CALHM3: variants seen among roughly 807,000 people sequenced by gnomAD.
The protein encoded by CALHM3 is calcium homeostasis modulator 3, also known as calcium homeostasis modulator protein 3.
Under a neutral mutation model 13.6 loss-of-function variants are expected in CALHM3, and 9 were observed. The observed-to-expected ratio is 0.66, with a 90% CI of 0.40 to 1.15. The LOEUF (loss-of-function observed/expected upper bound fraction) is 1.15, where lower values mean the gene tolerates loss of function less well. Ranked by LOEUF, CALHM3 falls within the 50% of genes most tolerant of loss-of-function variation. The probability of loss-of-function intolerance (pLI) is 0.01; values close to 1 mark genes in which losing one functional copy is unlikely to be tolerated. For synonymous variants in CALHM3, 231 were observed against 213.2 expected, an observed-to-expected ratio of 1.08 and a Z score of -0.73; for missense variants, 497 against 463.4, an observed-to-expected ratio of 1.07 and a Z score of -0.67.
In CALHM3 at chr10:103,478,781, G is replaced by C. The variant is rs1340025062; in HGVS notation, c.252C>G (p.Pro84=). 1.3e-6 allele frequency: 2 copies of C among 1,547,006 alleles called. No individual in the cohort carries two copies. The highest frequency in any genetic ancestry group is 1.7e-6 in the Non-Finnish European group (2 of 1,144,434). ...SVVMVEEWRR[P]AGHRRKDPGI... ...CTGGGTCCTTCCTCCGGTGCCCTGC[G>C]GGCCGGCGCCACTCCTCGACCATCA... Residue 84 remains proline (P), a synonymous_variant, in exon 1 of 3, where the codon CCC becomes CCG. Transcript: ENST00000369783.
At chr10:103,474,465 A>ATT (rs752014615) in intron 2 of CALHM3, among the ~76,000 whole-genome samples, 2 of 150,364 alleles carry the variant, frequency 1.3e-5, no homozygotes, top group East Asian at 2.0e-4. Flanking sequence ...TTATTTATTT[A>ATT]TATTTTTTGA....
Position 103,473,625 on chromosome 10 carries a change from G to T in CALHM3, c.623C>A (p.Thr208Lys). The T allele has an allele frequency of 2.6e-6, 4 of 1,551,298 alleles. No individual in the cohort carries two copies. Among genetic ancestry groups the T allele is most frequent in the Non-Finnish European group, 1.7e-6 (2 of 1,147,018 alleles). ...ARCLRPCFDQ[T>K]VFLQRRYWSN... ...CCAGTATCTGCGCTGCAGGAAGACT[G>T]TCTGGTCGAAGCAGGGCCTCAGGCA... is the stretch of plus-strand genomic sequence containing the variant. Residue 208 changes from threonine to lysine, a missense_variant, in exon 3 of 3, where the codon ACA becomes AAA. Physicochemically the swap from Thr to Lys is moderately conservative, Grantham distance 78 (BLOSUM62 -1). Transcript: ENST00000369783.
In CALHM3 at chr10:103,479,072, C is replaced by T. The variant is rs1312203542; in HGVS notation, c.-40G>A. On this transcript the variant is annotated 5_prime_UTR_variant, in exon 1 of 3. Transcript: ENST00000369783. ...TGGGTGGGCGGCCGTCGGTTCGGCT[C>T]AGTGAGGCTCTGGCCACCTTCCTGG... 1 of 1,515,464 alleles carries T rather than the reference C, an allele frequency of 6.6e-7. No homozygotes were observed. The highest frequency in any genetic ancestry group is 8.9e-7 in the Non-Finnish European group (1 of 1,127,884). The allele number at this position is 1,515,464 out of a possible 1,614,324, so 93.9% of individuals were successfully genotyped here.
chr10:103,474,153 G>C (rs11191700), intron 2 of CALHM3, among the ~76,000 whole-genome samples: 1 of 152,008 alleles, frequency 6.6e-6, no homozygotes, highest in Admixed American at 6.6e-5. Context: ...TCAGTCATCC[G>C]TCCTGCCAAC....
chr10:103,477,206 C>T (rs113627876), intron 1 of CALHM3, among the ~76,000 whole-genome samples: 1,895 of 152,310 alleles, frequency 0.012, 27 homozygotes, highest in Non-Finnish European at 0.019. Context: ...ACCCACAAGG[C>T]ATCCCAGGAG....
chr10:103,474,102 AT>A (rs2033361618), intron 2 of CALHM3, among the ~76,000 whole-genome samples: 6 of 152,082 alleles, frequency 3.9e-5, no homozygotes, highest in Admixed American at 3.3e-4. Context: ...CTCCTTTTAC[AT>A]TTCCCATCCA....
intron 2 of CALHM3, among the ~76,000 whole-genome samples, chr10:103,474,944 C>T (rs1468223985): frequency 6.6e-6 from 1 of 152,196 alleles, no homozygotes; most frequent in Non-Finnish European, 1.5e-5. Flanking sequence ...TGACTGGGTA[C>T]TTGTCATAGA....
chr10:103,473,225 G>A lies in CALHM3; in HGVS notation c.1023C>T (p.His341=), dbSNP rs1377072222. The A allele has an allele frequency of 2.1e-6, 3 of 1,424,606 alleles. No homozygotes were observed. Among genetic ancestry groups the A allele is most frequent in the Non-Finnish European group, 9.2e-7 (1 of 1,086,364 alleles). 88.2% of individuals were successfully genotyped at this position (1,424,606 alleles called of 1,614,324 possible). The part of the protein sequence containing the change: ...TLALGTRLSQ[H]TDV ...CCTGGCCAGGACCCTACACGTCGGT[G>A]TGTTGTGACAGCCTCGTGCCCAGTG... Residue 341 remains histidine, a synonymous_variant, in exon 3 of 3, where the codon CAC becomes CAT. Transcript: ENST00000369783.
chr10:103,478,983 G>T lies in CALHM3; in HGVS notation c.50C>A (p.Ser17Ter), dbSNP rs533409656. 3 of 1,551,644 alleles carry T rather than the reference G, an allele frequency of 1.9e-6. No individual in the cohort carries two copies. Among genetic ancestry groups the T allele is most frequent in the Non-Finnish European group, 2.6e-6 (3 of 1,146,984 alleles). The stretch of plus-strand genomic sequence containing the variant: ...CAGCAGGCAGATGCCATTCATCACC[G>T]ACTCCGAGCTTGACTGGAAGTGCTG... Reference protein sequence around the residue: ...LFQHFQSSSESVMNGICLLLA... With the variant: ...LFQHFQSSSE Residue 17 changes from serine (S) to a stop codon, truncating the protein, a stop_gained, in exon 1 of 3, where the codon TCG becomes TAG. Coordinates refer to ENST00000369783, the MANE Select transcript of CALHM3 (RefSeq NM_001129742.2). LOFTEE classifies it high-confidence loss of function.
rs1054966176 is a variant in CALHM3, at chr10:103,473,094, G to A, written c.*119C>T. ...GGCAGAGATTGGGCTACTTTAAAAA[G>A]GAGGCTAACAAGACTTAGGGTGCCT... On this transcript the variant is annotated 3_prime_UTR_variant, in exon 3 of 3. Coordinates refer to ENST00000369783, the MANE Select transcript of CALHM3 (RefSeq NM_001129742.2). 1 of 1,098,498 alleles carries A rather than the reference G, an allele frequency of 9.1e-7. No individual in the cohort carries two copies. Among genetic ancestry groups the A allele is most frequent in the East Asian group, 3.2e-5 (1 of 31,268 alleles). The allele number at this position is 1,098,498 out of a possible 1,614,324, so 68.0% of individuals were successfully genotyped here.
chr10:103,472,941 T>A lies in CALHM3; in HGVS notation c.*272A>T, dbSNP rs933666909. 1 of 369,828 alleles carries A rather than the reference T, an allele frequency of 2.7e-6. No individual in the cohort carries two copies. The highest frequency in any genetic ancestry group is 4.8e-6 in the Non-Finnish European group (1 of 209,534). The allele number at this position is 369,828 out of a possible 1,614,324, so 22.9% of individuals were successfully genotyped here. ...AAAAGCACATCAGCCTCCAGGAGCTTGTTTAAAATGCAGAATCTCAGACTC... is the reference window on the plus strand; with the variant it reads ...AAAAGCACATCAGCCTCCAGGAGCTAGTTTAAAATGCAGAATCTCAGACTC... On this transcript the variant is annotated 3_prime_UTR_variant, in exon 3 of 3. Coordinates refer to ENST00000369783, the MANE Select transcript of CALHM3 (RefSeq NM_001129742.2).
rs1298171640 is a variant in CALHM3 at position 103,479,089 on chromosome 10, C to A, written c.-57G>T. On this transcript the variant is annotated 5_prime_UTR_variant, in exon 1 of 3. Transcript: ENST00000369783. ...GTTCGGCTCAGTGAGGCTCTGGCCA[C>A]CTTCCTGGTGTCTGCTGTGCTGGGG... 39 of 1,496,024 alleles carry A rather than the reference C, an allele frequency of 2.6e-5. No individual in the cohort carries two copies. The South Asian group carries it at 5.0e-4, about 19-fold the overall frequency. 92.7% of individuals were successfully genotyped at this position (1,496,024 alleles called of 1,614,324 possible). A position where few individuals can be genotyped will look rare whatever the true frequency, so the allele number is the denominator to read the frequency against.
In CALHM3 at chr10:103,472,915, C is replaced by G. The variant is rs780792671; in HGVS notation, c.*298G>C. ...GCTACTCAAAGTTTGGTTCACTGACCAAAAGCACATCAGCCTCCAGGAGCT... is the reference window on the plus strand; with the variant it reads ...GCTACTCAAAGTTTGGTTCACTGACGAAAAGCACATCAGCCTCCAGGAGCT... On this transcript the variant is annotated 3_prime_UTR_variant, in exon 3 of 3. Coordinates refer to ENST00000369783, the MANE Select transcript of CALHM3 (RefSeq NM_001129742.2). 3.0e-6 allele frequency: 1 copy of G among 338,148 alleles called. No homozygotes were observed. The highest frequency in any genetic ancestry group is 5.3e-6 in the Non-Finnish European group (1 of 188,406). The allele number at this position is 338,148 out of a possible 1,614,324, so 20.9% of individuals were successfully genotyped here.
chr10:103,475,025 CACA>C (rs2033373536), intron 2 of CALHM3, among the ~76,000 whole-genome samples: 1 of 152,182 alleles, frequency 6.6e-6, no homozygotes, highest in South Asian at 2.1e-4. Flanking sequence ...GACAGTGACA[CACA>C]ATATGAACAG....
At position 103,472,869 on chromosome 10, in the gene CALHM3, G is replaced by T; in HGVS notation, c.*344C>A. On this transcript the variant is annotated 3_prime_UTR_variant, in exon 3 of 3. Transcript: ENST00000369783. ...TTGACATCTAGAACCCAGAACCCAT[G>T]GCAGATTTACTTAGATTCTTGCTAC... is the stretch of plus-strand genomic sequence containing the variant. 3.8e-6 allele frequency: 1 copy of T among 263,162 alleles called. No individual in the cohort carries two copies. Among genetic ancestry groups the T allele is most frequent in the Non-Finnish European group, 7.1e-6 (1 of 140,946 alleles). 16.3% of individuals were successfully genotyped at this position (263,162 alleles called of 1,614,324 possible).
chr10:103,473,377 C>G lies in CALHM3; in HGVS notation c.871G>C (p.Ala291Pro). 1 of 1,496,242 alleles carries G rather than the reference C, an allele frequency of 6.7e-7. No homozygotes were observed. Among genetic ancestry groups the G allele is most frequent in the East Asian group, 2.5e-5 (1 of 40,100 alleles). 92.7% of individuals were successfully genotyped at this position (1,496,242 alleles called of 1,614,324 possible). A position where few individuals can be genotyped will look rare whatever the true frequency, so the allele number is the denominator to read the frequency against. Residue 291 changes from alanine to proline, a missense_variant, in exon 3 of 3, where the codon GCA (alanine) becomes CCA (proline). By Grantham distance (27) the Ala-to-Pro change is conservative (BLOSUM62 -1). Transcript: ENST00000369783. Reference sequence around the variant, plus strand: ...TCCACCTGCTCCCGGCTGGAGATTGCGCGCAGGTGGGCCTTCCCACTTCCA... The same window carrying G: ...TCCACCTGCTCCCGGCTGGAGATTGGGCGCAGGTGGGCCTTCCCACTTCCA... ...DSGSGKAHLR[A>P]ISSREQVDRL...
Position 103,473,703 on chromosome 10 carries a change from G to T in CALHM3, c.545C>A (p.Ala182Asp). Reference protein sequence around the residue: ...VSRYLRCLSQAIGWSVTLLLI... With the variant: ...VSRYLRCLSQDIGWSVTLLLI... ...CAGCAGGGTGACGCTCCAGCCGATG[G>T]CCTGCAAAGTAAGGAGGCCCGAGGT... Residue 182 changes from alanine to aspartate, a missense_variant and splice_region_variant, in exon 3 of 3, where the codon GCC (alanine) becomes GAC (aspartate). Physicochemically the swap from Ala to Asp is moderately radical, Grantham distance 126 (BLOSUM62 -2). Coordinates refer to ENST00000369783, the MANE Select transcript of CALHM3 (RefSeq NM_001129742.2). The T allele has an allele frequency of 1.3e-6, 2 of 1,544,856 alleles. No individual in the cohort carries two copies. Among genetic ancestry groups the T allele is most frequent in the Non-Finnish European group, 1.7e-6 (2 of 1,144,488 alleles).
chr10:103,478,498 C>T (rs182396628), intron 1 of CALHM3, among the ~76,000 whole-genome samples: 2 of 152,158 alleles, frequency 1.3e-5, no homozygotes, highest in South Asian at 2.1e-4. Context: ...GCACTGGCCA[C>T]GGAAAGGTGA....
Position 103,473,694 on chromosome 10 carries a change from C to T in CALHM3, c.554G>A (p.Trp185Ter), listed in dbSNP as rs773962160. 1 of 1,546,704 alleles carries T rather than the reference C, an allele frequency of 6.5e-7. No individual in the cohort carries two copies. The highest frequency in any genetic ancestry group is 1.4e-5 in the African/African-American group (1 of 73,006). ...YLRCLSQAIG[W>*]SVTLLLIIAA... ...GATGATCAGCAGCAGGGTGACGCTC[C>T]AGCCGATGGCCTGCAAAGTAAGGAG... Residue 185 changes from tryptophan to a stop codon, truncating the protein, a stop_gained, in exon 3 of 3, where the codon TGG (tryptophan) becomes TAG (stop). Transcript: ENST00000369783. LOFTEE classifies it low-confidence loss of function (END_TRUNC).
Sources: gnomAD v4.1 joint callset for allele counts (sites outside exome capture counted in the v4.1 genomes callset) on GRCh38, gnomAD v4.1.1 for gene constraint, MANE v1.5 for transcripts, NCBI Gene and HGNC (gene_info 2026-07-23, HGNC 2026-07-21) for gene names.